Variants in BRPF3 observed in about 807,000 individuals in gnomAD.
BRPF3 encodes the protein bromodomain and PHD finger-containing protein 3.
In BRPF3, 18 loss-of-function variants were observed where a neutral mutation model predicts 102.0. The ratio of observed to expected loss-of-function variants is 0.18; its 90% CI spans 0.12 to 0.26. The LOEUF is 0.26. BRPF3 is among the 10% of genes least tolerant of loss of function. The pLI is 1.00. For missense variants in BRPF3, 1,147 were observed against 1,567.8 expected (o/e 0.73, Z 4.53); for synonymous variants, 570 against 614.2 (o/e 0.93, Z 1.06).
Position 36,210,934 on chromosome 6 carries a change from G to A in BRPF3, c.2180-324G>A, listed in dbSNP as rs1168634660. Among the ~76,000 whole-genome samples the A allele has an allele frequency of 2.0e-5, 3 of 152,200 alleles. No homozygotes were observed. Among genetic ancestry groups the A allele is most frequent in the Non-Finnish European group, 4.4e-5 (3 of 68,034 alleles). ...GAATTGCCTCTGAGCCCCACACGCT[G>A]CCTGTCCCTGCTCTCTGCTTCTCGA... On this transcript the variant is annotated intron_variant, in intron 6 of 12. Transcript: ENST00000357641. The surrounding 1 kb of genome is among the most constrained non-coding windows in gnomAD (Gnocchi z 4.7).
intron 7 of BRPF3, among the ~76,000 whole-genome samples, chr6:36,212,182 A>G (rs991930544): frequency 3.9e-5 from 6 of 152,166 alleles, no homozygotes; most frequent in African/African-American, 1.2e-4. Flanking sequence ...AGAAGAAAAG[A>G]CAGCCAGGGA....
chr6:36,209,139 A>G (rs1768006351), intron 4 of BRPF3, among the ~76,000 whole-genome samples: 1 of 152,152 alleles, frequency 6.6e-6, no homozygotes, highest in South Asian at 2.1e-4. Flanking sequence ...CTCAGATTCC[A>G]TATACATTTT....
chr6:36,202,546 G>T (rs543725582), intron 2 of BRPF3, among the ~76,000 whole-genome samples: 96 of 151,548 alleles, frequency 6.3e-4, no homozygotes, highest in African/African-American at 2.2e-3. Context: ...AGATTTCCTA[G>T]CAGAGACTCA....
chr6:36,229,193 A>C, intron 12 of BRPF3, 137 bp downstream of exon 12: 1 of 1,120,420 alleles, frequency 8.9e-7, no homozygotes, highest in East Asian at 2.6e-5. Context: ...ACAGGCCTGC[A>C]CTTGGCATGT....
At chr6:36,205,587 A>G (rs891822829) in intron 3 of BRPF3, among the ~76,000 whole-genome samples, 7 of 152,186 alleles carry the variant, frequency 4.6e-5, no homozygotes, top group Admixed American at 3.3e-4. Flanking sequence ...GTCTTTCCTT[A>G]TATTCTCACC....
chr6:36,205,133 T>C (rs2127279067), intron 3 of BRPF3, among the ~76,000 whole-genome samples: 1 of 152,304 alleles, frequency 6.6e-6, no homozygotes, highest in East Asian at 1.9e-4. Flanking sequence ...GGTGGCCACA[T>C]TGTGTTAATT....
chr6:36,204,864 G>T, intron 3 of BRPF3, 50 bp downstream of exon 3: 4 of 1,592,894 alleles, frequency 2.5e-6, no homozygotes, highest in Non-Finnish European at 1.7e-6. Flanking sequence ...GAGAGTGAAG[G>T]AAAAGGAATG....
intron 7 of BRPF3, among the ~76,000 whole-genome samples, chr6:36,213,118 G>GAA (rs1768192937): frequency 6.6e-6 from 1 of 152,224 alleles, no homozygotes; most frequent in Non-Finnish European, 1.5e-5. Context: ...TGACAGATGA[G>GAA]AAAACTCTTG....
chr6:36,217,849 C>T (rs1366363434), intron 8 of BRPF3, 68 bp from the exon 9 acceptor site: 1 of 1,438,324 alleles, frequency 7.0e-7, no homozygotes, highest in African/African-American at 1.4e-5. Context: ...AGGTGGCTGC[C>T]TCACCCTGTA....
chr6:36,225,250 C>A lies in BRPF3; in HGVS notation c.3182-17C>A. The A allele has an allele frequency of 6.2e-7, 1 of 1,600,586 alleles. No homozygotes were observed. The highest frequency in any genetic ancestry group is 8.5e-7 in the Non-Finnish European group (1 of 1,176,040). ...AGTCCCCTTTGGGTGCTGTCTCCTC[C>A]CCTCCCCCACCCCCAGGCAGAAGCC... On this transcript the variant is annotated splice_polypyrimidine_tract_variant and intron_variant, in intron 10 of 12. Transcript: ENST00000357641.
rs967003994 is a variant in BRPF3, at chr6:36,200,698, A to G, written c.376A>G (p.Ile126Val). Residue 126 changes from isoleucine (I) to valine (V), a missense_variant, in exon 2 of 13, where the codon ATC becomes GTC. By Grantham distance (29) the Ile-to-Val change is conservative (BLOSUM62 3). This residue lies in a region of BRPF3 where 221 missense variants were observed against 337.1 expected (regional missense o/e 0.66). Coordinates refer to ENST00000357641, the MANE Select transcript of BRPF3 (RefSeq NM_015695.3). This position sits in a 1 kb window ranked among gnomAD's most constrained non-coding sequence, Gnocchi z 5.3. ...CAGCTTCCGTATGGTGGACTCAGGC[A>G]TCCAGCCAGAAGCACCCCCGCTGCC... ...QPSFRMVDSG[I>V]QPEAPPLPAA... 1.9e-6 allele frequency: 3 copies of G among 1,614,068 alleles called. No individual in the cohort carries two copies. Among genetic ancestry groups the G allele is most frequent in the South Asian group, 1.1e-5 (1 of 91,084 alleles).
chr6:36,204,774 G>A lies in BRPF3; in HGVS notation c.1565G>A (p.Arg522His), dbSNP rs200249910. Residue 522 changes from arginine to histidine, a missense_variant, in exon 3 of 13, where the codon CGC becomes CAC. Physicochemically the swap from Arg to His is conservative, Grantham distance 29 (BLOSUM62 0). Around this residue, in one of 11 missense-constraint regions of BRPF3, gnomAD observed 37 missense variants for 33.3 expected, o/e 1.11. Transcript: ENST00000357641. ...QARNGVPLIRRLHSHLQSQRN... is the reference protein window; with the variant it reads ...QARNGVPLIRHLHSHLQSQRN... Reference sequence around the variant, plus strand: ...CGGAATGGTGTCCCTCTTATCCGGCGCTTGCACTCCCATCTGCAGTCCCAA... The same window carrying A: ...CGGAATGGTGTCCCTCTTATCCGGCACTTGCACTCCCATCTGCAGTCCCAA... The A allele has an allele frequency of 2.5e-6, 4 of 1,614,214 alleles. No individual in the cohort carries two copies. Among genetic ancestry groups the A allele is most frequent in the African/African-American group, 1.3e-5 (1 of 75,058 alleles).
chr6:36,198,416 G>A (rs377482261), intron 1 of BRPF3, among the ~76,000 whole-genome samples: 9 of 152,292 alleles, frequency 5.9e-5, no homozygotes, highest in African/African-American at 1.7e-4. Flanking sequence ...TTGCCCCAGA[G>A]CCTCGTTTTG....
rs779239085 is a variant in BRPF3, at chr6:36,204,733, G to T, written c.1524G>T (p.Leu508=). Residue 508 remains leucine, a synonymous_variant, in exon 3 of 13, where the codon CTG becomes CTT. Transcript: ENST00000357641. ...QFMQRLHNYW[L]LKRQARNGVP... ...TGCAGCGGCTTCACAATTATTGGCT[G>T]TTGAAGCGGCAGGCACGGAATGGTG... 6.2e-7 allele frequency: 1 copy of T among 1,614,236 alleles called. No individual in the cohort carries two copies. Among genetic ancestry groups the T allele is most frequent in the Non-Finnish European group, 8.5e-7 (1 of 1,180,036 alleles).
intron 2 of BRPF3, among the ~76,000 whole-genome samples, chr6:36,203,803 G>A (rs1019507949): frequency 1.3e-5 from 2 of 152,186 alleles, no homozygotes; most frequent in Non-Finnish European, 2.9e-5. Context: ...CAGAGAGATC[G>A]TGGATTCAAA....
At chr6:36,222,335 C>A in intron 10 of BRPF3, 70 bp downstream of exon 10, 1 of 1,419,266 alleles carries the variant, frequency 7.0e-7, no homozygotes, top group Non-Finnish European at 9.7e-7. Context: ...CAGGCTGCTG[C>A]ACTGCTGGGG....
chr6:36,222,948 C>T (rs1048431322), intron 10 of BRPF3, among the ~76,000 whole-genome samples: 2 of 152,104 alleles, frequency 1.3e-5, no homozygotes, highest in Non-Finnish European at 2.9e-5. Context: ...ACTGCCTGTC[C>T]CCATTCACAA....
rs1301702397 is a variant in BRPF3 at position 36,201,726 on chromosome 6, C to T, written c.1404C>T (p.Pro468=). 3.7e-6 allele frequency: 6 copies of T among 1,612,888 alleles called. No individual in the cohort carries two copies. Among genetic ancestry groups the T allele is most frequent in the Non-Finnish European group, 4.2e-6 (5 of 1,179,432 alleles). Residue 468 remains proline, a synonymous_variant, in exon 2 of 13, where the codon CCC becomes CCT. Coordinates refer to ENST00000357641, the MANE Select transcript of BRPF3 (RefSeq NM_015695.3). This position sits in a 1 kb window ranked among gnomAD's most constrained non-coding sequence, Gnocchi z 5.1. ...CAGAGGAAGCAGGCCAAGACACACC[C>T]TCCACTCTCCCCATGCTTGCTGTCC... ...KEPEEAGQDT[P]STLPMLAVPQ...
In BRPF3 at chr6:36,200,533, A is replaced by G; in HGVS notation, c.211A>G (p.Ile71Val). Reference sequence around the variant, plus strand: ...TGAAGATGAGCTAACTGCCCAGGATATCACCGAATGCAATAGTAACAAGGA... The same window carrying G: ...TGAAGATGAGCTAACTGCCCAGGATGTCACCGAATGCAATAGTAACAAGGA... ...ITEDELTAQD[I>V]TECNSNKENS... is the part of the protein sequence containing the mutation. Residue 71 changes from isoleucine to valine, a missense_variant, in exon 2 of 13, where the codon ATC (isoleucine) becomes GTC (valine). Transcript: ENST00000357641. The surrounding 1 kb of genome is among the most constrained non-coding windows in gnomAD (Gnocchi z 5.3). The G allele has an allele frequency of 1.2e-6, 2 of 1,614,258 alleles. No individual in the cohort carries two copies. Among genetic ancestry groups the G allele is most frequent in the Non-Finnish European group, 1.7e-6 (2 of 1,180,056 alleles).
Sources: allele counts gnomAD v4.1 joint callset (sites outside exome capture counted in the v4.1 genomes callset), GRCh38; gene constraint gnomAD v4.1.1; regional missense constraint gnomAD v4.1.1; non-coding constraint Gnocchi (gnomAD v3.1); transcripts MANE v1.5; gene names NCBI Gene and HGNC (gene_info 2026-07-23, HGNC 2026-07-21).